The following ZNF782 variants were observed in gnomAD, a reference collection of about 807,000 sequenced individuals.
ZNF782 encodes zinc finger protein 782.
Under a neutral mutation model 13.0 loss-of-function variants are expected in ZNF782, and 12 were observed. That is an observed-to-expected ratio of 0.92 (90% CI 0.59 to 1.50). ZNF782 has a LOEUF of 1.50. ZNF782 is among the 40% of genes most tolerant of loss of function. The pLI is 0.00. For missense variants in ZNF782, 770 were observed against 822.9 expected (o/e 0.94, Z 0.79); for synonymous variants, 284 against 283.0 (o/e 1.00, Z -0.04).
the ZNF782 span, chr9:96,932,212 CG>C: frequency 6.2e-7 from 1 of 1,613,812 alleles, no homozygotes; most frequent in African/African-American, 1.3e-5. Flanking sequence ...TGGCCCCCAT[CG>C]TGTCCCCAGG....
chr9:96,889,039 C>G, the ZNF782 span: 1 of 152,274 alleles, frequency 6.6e-6, no homozygotes, highest in South Asian at 2.1e-4. Flanking sequence ...GCAGCCAAGC[C>G]TGTGCTTCCA....
At chr9:96,822,772 G>GT (rs1284354749) in intron 5 of ZNF782, among the ~76,000 whole-genome samples, 2 of 151,914 alleles carry the variant, frequency 1.3e-5, no homozygotes, top group Non-Finnish European at 2.9e-5. Context: ...TAATATGCAT[G>GT]TTTTTTATCT....
the ZNF782 span, chr9:96,931,598 A>T: frequency 5.0e-6 from 4 of 804,086 alleles, no homozygotes; most frequent in African/African-American, 5.3e-5. Context: ...ACACTCAGGG[A>T]CACTTGCAAG....
At chr9:96,874,541 T>C (rs186119354) in intron 1 of ZNF782, among the ~76,000 whole-genome samples, 148 of 152,328 alleles carry the variant, frequency 9.7e-4, no homozygotes, top group Middle Eastern at 3.4e-3. Context: ...TTCTCAAAGC[T>C]GGTCCAGGCA....
At chr9:96,843,947 C>G (rs1475027820) in intron 4 of ZNF782, among the ~76,000 whole-genome samples, 3 of 151,924 alleles carry the variant, frequency 2.0e-5, no homozygotes, top group African/African-American at 4.8e-5. Context: ...CTAAACGAAA[C>G]AAAAATGAGC....
the ZNF782 span, chr9:96,892,273 C>A: frequency 6.6e-6 from 1 of 152,110 alleles, no homozygotes; most frequent in Admixed American, 6.6e-5. Flanking sequence ...GTGGGAACAA[C>A]CGAAATGTGC....
chr9:96,911,301 C>T, the ZNF782 span, among the ~76,000 whole-genome samples: 9 of 143,566 alleles, frequency 6.3e-5, no homozygotes, highest in South Asian at 6.7e-4. Flanking sequence ...TAGCTGGGCG[C>T]GGTGGCGGGC....
chr9:96,838,490 G>C (rs1851075027), intron 4 of ZNF782, among the ~76,000 whole-genome samples: 1 of 152,074 alleles, frequency 6.6e-6, no homozygotes, highest in South Asian at 2.1e-4. Context: ...TTGTAGATTT[G>C]TGTATTTCTC....
At chr9:96,917,584 AC>A in the ZNF782 span, among the ~76,000 whole-genome samples, 1 of 151,166 alleles carries the variant, frequency 6.6e-6, no homozygotes, top group African/African-American at 2.4e-5. Context: ...GGCGCCCACC[AC>A]CACGCCCAGC....
rs1041997297 is a variant in ZNF782, at chr9:96,826,566, G to GTAAA, written c.244+510_244+513dup. 1.0e-2 allele frequency among the ~76,000 whole-genome samples: 1,513 copies of GTAAA among 151,812 alleles called. 19 individuals carry two copies. Among genetic ancestry groups the GTAAA allele is most frequent in the Non-Finnish European group, 0.015 (1,046 of 67,904 alleles). On this transcript the variant is annotated intron_variant, in intron 5 of 5. Transcript: ENST00000481138. ...AGTATAATAATAATAAAATAAATAA[G>GTAAA]TAAATAAATAAATAAATAAAAGAGT...
chr9:96,818,424 G>A lies in ZNF782; in HGVS notation c.1599C>T (p.Pro533=). ...CTTTTCCACACTGATTACATTTGTA[G>A]GGCTTCTCCCCTGTGTGTGTTCTAT... ...KHHRTHTGEK[P]YKCNQCGKAF... The change falls in exon 6 of 6, where the codon CCC becomes CCT. Residue 533 remains proline, a synonymous_variant. Coordinates refer to ENST00000481138, the MANE Select transcript of ZNF782 (RefSeq NM_001001662.3). 1 of 1,614,006 alleles carries A rather than the reference G, an allele frequency of 6.2e-7. No homozygotes were observed. The highest frequency in any genetic ancestry group is 8.5e-7 in the Non-Finnish European group (1 of 1,179,996).
intron 1 of ZNF782, among the ~76,000 whole-genome samples, chr9:96,864,877 TAAAAAAAAAA>T (rs35546553): frequency 1.1e-5 from 1 of 92,832 alleles, no homozygotes. Flanking sequence ...CAAAAAGAAC[TAAAAAAAAAA>T]AAAAAAAAAA....
rs1283898641 is a variant in ZNF782 at position 96,854,232 on chromosome 9, C to G, written c.-406G>C. ...GGGCTCCGGTCCCGCACACCGCGGC[C>G]CGCACCCGGCACCTGCTCCGGACCA... On this transcript the variant is annotated 5_prime_UTR_variant, in exon 1 of 6. Coordinates refer to ENST00000481138, the MANE Select transcript of ZNF782 (RefSeq NM_001001662.3). The G allele has an allele frequency of 1.7e-4, 26 of 152,330 alleles. No homozygotes were observed. The highest frequency in any genetic ancestry group is 1.7e-3 in the Admixed American group (26 of 15,292). The allele number at this position is 152,330 out of a possible 1,614,324, so 9.4% of individuals were successfully genotyped here. A position where few individuals can be genotyped will look rare whatever the true frequency, so the allele number is the denominator to read the frequency against.
the ZNF782 span, among the ~76,000 whole-genome samples, chr9:96,931,230 G>C: frequency 1.3e-5 from 2 of 151,756 alleles, no homozygotes; most frequent in Admixed American, 1.3e-4. Flanking sequence ...AGGAAAGAAA[G>C]GGGTTTACAA....
chr9:96,902,720 A>G, the ZNF782 span, among the ~76,000 whole-genome samples: 1 of 144,024 alleles, frequency 6.9e-6, no homozygotes, highest in Non-Finnish European at 1.5e-5. Flanking sequence ...TATTTTATAT[A>G]TTTTAATTTT....
chr9:96,898,104 C>A, the ZNF782 span: 7 of 148,916 alleles, frequency 4.7e-5, no homozygotes, highest in African/African-American at 1.8e-4. Context: ...GGTTTCCAGG[C>A]CTTTGCTCAC....
In ZNF782 at chr9:96,819,585, C is replaced by G. The variant is rs138841716; in HGVS notation, c.438G>C (p.Gln146His). 2.3e-4 allele frequency: 375 copies of G among 1,613,614 alleles called. 1 individual carries two copies. The highest frequency in any genetic ancestry group is 2.9e-4 in the Non-Finnish European group (338 of 1,179,942). ...AGTGTGGGGCCATCAGGCTGAGCCCCTGGCAAGCAGACCCCGCAATGTCAC... is the reference window on the plus strand; with the variant it reads ...AGTGTGGGGCCATCAGGCTGAGCCCGTGGCAAGCAGACCCCGCAATGTCAC... ...CKCDIAGSAC[Q>H]GLSLMAPHCQ... Residue 146 changes from glutamine (Q) to histidine (H), a missense_variant, in exon 6 of 6, where the codon CAG becomes CAC. Coordinates refer to ENST00000481138, the MANE Select transcript of ZNF782 (RefSeq NM_001001662.3).
chr9:96,870,629 A>G (rs1851814170), intron 1 of ZNF782, among the ~76,000 whole-genome samples: 2 of 152,242 alleles, frequency 1.3e-5, no homozygotes, highest in African/African-American at 4.8e-5. Flanking sequence ...CTCCTATGTG[A>G]GCTGATAGCA....
chr9:96,826,479 G>C (rs1850624578), intron 5 of ZNF782, among the ~76,000 whole-genome samples: 1 of 152,176 alleles, frequency 6.6e-6, no homozygotes, highest in Non-Finnish European at 1.5e-5. Flanking sequence ...CAGCGCACCA[G>C]CATGGCACAT....
Sources: allele counts gnomAD v4.1 joint callset (sites outside exome capture counted in the v4.1 genomes callset), GRCh38; gene constraint gnomAD v4.1.1; transcripts MANE v1.5; gene names NCBI Gene and HGNC (gene_info 2026-07-23, HGNC 2026-07-21).